USP15: variants seen among roughly 807,000 people sequenced by gnomAD.
USP15 encodes the protein ubiquitin carboxyl-terminal hydrolase 15.
USP15 carries 18 observed loss-of-function variants against 127.1 expected under a neutral mutation model. The observed-to-expected ratio is 0.14, with a 90% confidence interval of 0.10 to 0.21. USP15 has a LOEUF of 0.21. USP15 is among the 10% of genes least tolerant of loss of function. USP15 has a pLI of 1.00. For synonymous variants in USP15, 364 were observed against 393.7 expected, an observed-to-expected ratio of 0.92 and a Z score of 0.89; for missense variants, 805 against 1,159.9, an observed-to-expected ratio of 0.69 and a Z score of 4.44.
chr12:62,398,384 C>A (rs756832542), intron 20 of USP15, among the ~76,000 whole-genome samples: 2 of 152,168 alleles, frequency 1.3e-5, no homozygotes, highest in Non-Finnish European at 2.9e-5. Flanking sequence ...ACTCTTCTTA[C>A]AACTTCTTGA....
intron 7 of USP15, among the ~76,000 whole-genome samples, chr12:62,351,252 A>G (rs1019889273): frequency 6.6e-6 from 1 of 151,892 alleles, no homozygotes; most frequent in African/African-American, 2.4e-5. Flanking sequence ...ATTACACTGC[A>G]GTATCTTCTC....
chr12:62,359,602 T>C (rs1203812526), intron 8 of USP15, among the ~76,000 whole-genome samples: 2 of 152,174 alleles, frequency 1.3e-5, no homozygotes, highest in Non-Finnish European at 2.9e-5. Flanking sequence ...GTTCTATCTG[T>C]CCTCTTTTCT....
intron 6 of USP15, among the ~76,000 whole-genome samples, chr12:62,340,339 G>T (rs190690280): frequency 6.6e-6 from 1 of 152,038 alleles, no homozygotes; most frequent in Non-Finnish European, 1.5e-5. Flanking sequence ...CCAGCTCCTG[G>T]ATTCGTTTAT....
chr12:62,286,270 A>C (rs2063782964), intron 1 of USP15, among the ~76,000 whole-genome samples: 1 of 152,236 alleles, frequency 6.6e-6, no homozygotes, highest in South Asian at 2.1e-4. Flanking sequence ...CAGCAAATGT[A>C]TGAAAAAATG....
At chr12:62,330,651 T>A (rs1233022856) in intron 6 of USP15, among the ~76,000 whole-genome samples, 1 of 149,996 alleles carries the variant, frequency 6.7e-6, no homozygotes, top group African/African-American at 2.5e-5. Context: ...CTGAGCAAGG[T>A]GGCTCACACC....
chr12:62,316,175 A>G (rs2137257471), intron 4 of USP15, among the ~76,000 whole-genome samples: 1 of 151,790 alleles, frequency 6.6e-6, no homozygotes, highest in South Asian at 2.1e-4. Context: ...AGTCCCAGCT[A>G]CTTGGGAGGC....
At chr12:62,303,042 C>T (rs962340778) in intron 3 of USP15, 122 bp downstream of exon 3, 12 of 1,125,052 alleles carry the variant, frequency 1.1e-5, no homozygotes, top group East Asian at 1.1e-4. Context: ...GCAAAATAAC[C>T]GTACACTGTG....
intron 9 of USP15, among the ~76,000 whole-genome samples, chr12:62,382,701 G>A (rs1224172770): frequency 1.3e-5 from 2 of 151,844 alleles, no homozygotes; most frequent in Non-Finnish European, 2.9e-5. Flanking sequence ...AAAATACTTA[G>A]TGATGAAAGA....
intron 6 of USP15, among the ~76,000 whole-genome samples, chr12:62,342,461 G>A (rs1165234519): frequency 2.0e-5 from 3 of 152,130 alleles, no homozygotes; most frequent in Non-Finnish European, 4.4e-5. Context: ...CTGGAGAGGA[G>A]TTGTGATCAT....
intron 8 of USP15, among the ~76,000 whole-genome samples, chr12:62,367,561 T>C (rs2066519490): frequency 6.6e-6 from 1 of 152,206 alleles, no homozygotes; most frequent in African/African-American, 2.4e-5. Flanking sequence ...GGAGAGTGTA[T>C]GTGTCCAGGA....
At chr12:62,353,290 G>T (rs9634284) in intron 7 of USP15, among the ~76,000 whole-genome samples, 34,089 of 151,932 alleles carry the variant, frequency 0.22, 4,169 homozygotes, top group African/African-American at 0.34. Context: ...AAACTGCTTT[G>T]CAAGTAAGTT....
intron 19 of USP15, 33 bp downstream of exon 19, chr12:62,393,235 C>T (rs149425355): frequency 6.3e-7 from 1 of 1,588,030 alleles, no homozygotes; most frequent in South Asian, 1.1e-5. Context: ...AAGCATTGGG[C>T]AACTCTTCTT....
intron 2 of USP15, among the ~76,000 whole-genome samples, chr12:62,297,316 G>A (rs1305925468): frequency 6.6e-6 from 1 of 152,132 alleles, no homozygotes; most frequent in East Asian, 1.9e-4. Context: ...TGTACCCCCA[G>A]TGTTCCAGTC....
At chr12:62,395,207 G>A (rs1190229264) in intron 19 of USP15, among the ~76,000 whole-genome samples, 1 of 151,938 alleles carries the variant, frequency 6.6e-6, no homozygotes, top group Admixed American at 6.6e-5. Flanking sequence ...CTCTGACCCT[G>A]CCCATAAATT....
intron 20 of USP15, among the ~76,000 whole-genome samples, chr12:62,398,475 C>T (rs1474889140): frequency 1.3e-5 from 2 of 152,188 alleles, no homozygotes; most frequent in East Asian, 3.9e-4. Flanking sequence ...CTGCTAAGTA[C>T]TGCTTTAGCT....
At chr12:62,289,340 G>A (rs2063882866) in intron 1 of USP15, among the ~76,000 whole-genome samples, 1 of 152,058 alleles carries the variant, frequency 6.6e-6, no homozygotes, top group Non-Finnish European at 1.5e-5. Flanking sequence ...TTGGGAGGTT[G>A]TATGTTTCCA....
chr12:62,386,036 C>T (rs1365367754), intron 11 of USP15, among the ~76,000 whole-genome samples: 1 of 151,950 alleles, frequency 6.6e-6, no homozygotes, highest in Non-Finnish European at 1.5e-5. Context: ...ATAAATTGGG[C>T]TCTAAATTAT....
At chr12:62,345,227 T>G (rs12311259) in intron 6 of USP15, among the ~76,000 whole-genome samples, 34,062 of 152,104 alleles carry the variant, frequency 0.22, 4,152 homozygotes, top group African/African-American at 0.34. Flanking sequence ...TGCTTAGATT[T>G]CTTCTGCCAA....
At chr12:62,354,213 A>C (rs964902277) in intron 7 of USP15, among the ~76,000 whole-genome samples, 1 of 151,784 alleles carries the variant, frequency 6.6e-6, no homozygotes, top group Non-Finnish European at 1.5e-5. Flanking sequence ...TTTTATAATA[A>C]TAAAGTGAGA....
Sources: allele counts gnomAD v4.1 joint callset (sites outside exome capture counted in the v4.1 genomes callset), GRCh38; gene constraint gnomAD v4.1.1; transcripts MANE v1.5; gene names NCBI Gene and HGNC (gene_info 2026-07-23, HGNC 2026-07-21).